The following MAN1A1 variants were observed in gnomAD, a reference collection of about 807,000 sequenced individuals.
MAN1A1 encodes mannosidase alpha class 1A member 1.
Under a neutral mutation model 70.8 loss-of-function variants are expected in MAN1A1, and 29 were observed. The observed-to-expected ratio is 0.41, with a 90% CI of 0.31 to 0.56. MAN1A1 has a LOEUF of 0.56. Ranked by LOEUF, MAN1A1 falls within the 20% of genes least tolerant of loss-of-function variation. MAN1A1 has a pLI of 0.29. For synonymous variants in MAN1A1, 349 were observed against 330.1 expected (o/e 1.06, Z -0.62); for missense variants, 747 against 841.3 (o/e 0.89, Z 1.39).
chr6:119,221,174 A>G (rs1386978848), intron 6 of MAN1A1, among the ~76,000 whole-genome samples: 1 of 151,670 alleles, frequency 6.6e-6, no homozygotes, highest in East Asian at 1.9e-4. Context: ...CCAATCTTTA[A>G]TGACAATATT....
intron 5 of MAN1A1, among the ~76,000 whole-genome samples, chr6:119,250,524 A>G (rs1775287046): frequency 6.6e-6 from 1 of 152,358 alleles, no homozygotes; most frequent in Admixed American, 6.5e-5. Context: ...CGTAGTAAAC[A>G]CTAACAGGTA....
At chr6:119,201,018 A>G (rs1442255715) in intron 8 of MAN1A1, among the ~76,000 whole-genome samples, 2 of 152,132 alleles carry the variant, frequency 1.3e-5, no homozygotes, top group Non-Finnish European at 2.9e-5. Flanking sequence ...TCCCTTTCTG[A>G]TTAATAGCTG....
chr6:119,273,762 A>G (rs573921072), intron 5 of MAN1A1, among the ~76,000 whole-genome samples: 54 of 152,286 alleles, frequency 3.5e-4, no homozygotes, highest in African/African-American at 1.3e-3. Flanking sequence ...ACTCTTACCA[A>G]ACTAGGTATT....
rs1554209499 is a variant in MAN1A1, at chr6:119,260,976, G to GCTTTTTTTTTTTTTTTTTTTTTTTT, written c.898-12623_898-12622insAAAAAAAAAAAAAAAAAAAAAAAAG. ...TATCTAAATGTCTTGTTTTTTTATT[G>GCTTTTTTTTTTTTTTTTTTTTTTTT]TTTTTTTTTTTTTTTTTTTTGAGAT... On this transcript the variant is annotated intron_variant, in intron 5 of 12. Coordinates refer to ENST00000368468, the MANE Select transcript of MAN1A1 (RefSeq NM_005907.4). Among the ~76,000 whole-genome samples the GCTTTTTTTTTTTTTTTTTTTTTTTT allele has an allele frequency of 4.3e-5, 5 of 116,942 alleles. 1 individual carries two copies. The highest frequency in any genetic ancestry group is 8.5e-5 in the Non-Finnish European group (5 of 59,050). The allele number at this position is 116,942 out of a possible 152,430, so 76.7% of individuals were successfully genotyped here. A position where few individuals can be genotyped will look rare whatever the true frequency, so the allele number is the denominator to read the frequency against.
At chr6:119,227,328 A>G (rs1774545472) in intron 6 of MAN1A1, among the ~76,000 whole-genome samples, 1 of 152,236 alleles carries the variant, frequency 6.6e-6, no homozygotes, top group African/African-American at 2.4e-5. Context: ...GAAAAGTTGT[A>G]TATCTTGATT....
chr6:119,252,233 C>A (rs1477150899), intron 5 of MAN1A1, among the ~76,000 whole-genome samples: 1 of 151,984 alleles, frequency 6.6e-6, no homozygotes, highest in Non-Finnish European at 1.5e-5. Context: ...TGGAATTGGC[C>A]GTTTGATACT....
At chr6:119,228,176 A>G (rs1291358744) in intron 6 of MAN1A1, among the ~76,000 whole-genome samples, 1 of 152,220 alleles carries the variant, frequency 6.6e-6, no homozygotes, top group Admixed American at 6.5e-5. Context: ...ACAGTTTTGT[A>G]GTAATTACTT....
At position 119,181,240 on chromosome 6, in the gene MAN1A1, T is replaced by C. The variant is rs1277360387; in HGVS notation, c.1720-813A>G. Among the ~76,000 whole-genome samples, 6 of 152,164 alleles carry C rather than the reference T, an allele frequency of 3.9e-5. No homozygotes were observed. The East Asian group carries it at 1.2e-3, about 29-fold the overall frequency. ...TTAACAGAAAGAGTTTGCTGACCCC[T>C]AGTTTGGAGAGACTGCTAATGTCAA... On this transcript the variant is annotated intron_variant, in intron 11 of 12. Coordinates refer to ENST00000368468, the MANE Select transcript of MAN1A1 (RefSeq NM_005907.4).
chr6:119,281,833 G>C (rs562678129), intron 5 of MAN1A1, among the ~76,000 whole-genome samples: 13 of 152,146 alleles, frequency 8.5e-5, no homozygotes, highest in African/African-American at 2.9e-4. Flanking sequence ...AAGGTGGGTG[G>C]ATCATGAGGT....
intron 5 of MAN1A1, among the ~76,000 whole-genome samples, chr6:119,257,395 T>C (rs568712083): frequency 1.3e-5 from 2 of 152,202 alleles, no homozygotes; most frequent in Admixed American, 6.5e-5. Context: ...TTATGGTAAG[T>C]GGAGAGATTT....
At chr6:119,212,062 G>C (rs1421428220) in intron 6 of MAN1A1, among the ~76,000 whole-genome samples, 4 of 151,216 alleles carry the variant, frequency 2.6e-5, no homozygotes, top group Admixed American at 1.3e-4. Flanking sequence ...GGATGGTCTC[G>C]ATCTCCCAAC....
At chr6:119,269,519 A>G in intron 5 of MAN1A1, 1 of 194,182 alleles carries the variant, frequency 5.1e-6, no homozygotes, top group South Asian at 9.8e-5. Flanking sequence ...GGGCCTCAGG[A>G]AGGGTTGGTG....
At chr6:119,248,397 A>C (rs765324987) in intron 5 of MAN1A1, 43 bp from the exon 6 acceptor site, 1 of 1,014,754 alleles carries the variant, frequency 9.9e-7, no homozygotes, top group Non-Finnish European at 1.6e-6. Flanking sequence ...GTTGCAAGCA[A>C]AACAAGATGA....
chr6:119,226,241 C>T (rs898841067), intron 6 of MAN1A1, among the ~76,000 whole-genome samples: 1 of 152,110 alleles, frequency 6.6e-6, no homozygotes, highest in South Asian at 2.1e-4. Flanking sequence ...ACACAAAGCA[C>T]AGGAAAGGAG....
At chr6:119,292,801 T>A (rs1772078627) in intron 4 of MAN1A1, among the ~76,000 whole-genome samples, 1 of 152,066 alleles carries the variant, frequency 6.6e-6, no homozygotes, top group Admixed American at 6.6e-5. Context: ...GTACTATATA[T>A]AGGTGTAATT....
In MAN1A1 at chr6:119,349,294, G is replaced by T. The variant is rs1773837715; in HGVS notation, c.-222-7C>A. 8.3e-7 allele frequency: 1 copy of T among 1,203,390 alleles called. No individual in the cohort carries two copies. Among genetic ancestry groups the T allele is most frequent in the Non-Finnish European group, 1.0e-6 (1 of 970,016 alleles). The allele number at this position is 1,203,390 out of a possible 1,614,324, so 74.5% of individuals were successfully genotyped here. On this transcript the variant is annotated splice_region_variant and splice_polypyrimidine_tract_variant and intron_variant, in intron 1 of 12. Coordinates refer to ENST00000368468, the MANE Select transcript of MAN1A1 (RefSeq NM_005907.4). Reference sequence around the variant, plus strand: ...AGACCGCTGGCTGCAGCCCCTGCGGGGAGAGAAACAGTAAAACGTAGTAAT... The same window carrying T: ...AGACCGCTGGCTGCAGCCCCTGCGGTGAGAGAAACAGTAAAACGTAGTAAT...
At chr6:119,247,634 A>ATG (rs149697960) in intron 6 of MAN1A1, among the ~76,000 whole-genome samples, 77 of 151,498 alleles carry the variant, frequency 5.1e-4, no homozygotes, top group East Asian at 3.7e-3. Context: ...TCAGCCTGGG[A>ATG]TGTGTGTGTG....
chr6:119,221,151 AT>A (rs1416230842), intron 6 of MAN1A1, among the ~76,000 whole-genome samples: 3 of 152,048 alleles, frequency 2.0e-5, no homozygotes, highest in East Asian at 1.9e-4. Flanking sequence ...AAATTTTTCT[AT>A]TTTTTTAGGC....
chr6:119,338,253 A>G (rs948019059), intron 2 of MAN1A1, among the ~76,000 whole-genome samples: 1 of 152,314 alleles, frequency 6.6e-6, no homozygotes, highest in South Asian at 2.1e-4. Context: ...AACCAAGGTC[A>G]GAATATAAAT....
Sources: allele counts gnomAD v4.1 joint callset (sites outside exome capture counted in the v4.1 genomes callset), GRCh38; gene constraint gnomAD v4.1.1; transcripts MANE v1.5; gene names NCBI Gene and HGNC (gene_info 2026-07-23, HGNC 2026-07-21).